SLC17A3: variants seen among roughly 807,000 people sequenced by gnomAD.
The protein encoded by SLC17A3 is sodium-dependent phosphate transport protein 4.
Under a neutral mutation model 60.3 loss-of-function variants are expected in SLC17A3, and 61 were observed. The observed-to-expected ratio is 1.01, with a 90% CI of 0.82 to 1.25. The LOEUF (loss-of-function observed/expected upper bound fraction) is 1.25, where lower values mean the gene tolerates loss of function less well. SLC17A3 is among the 50% of genes most tolerant of loss of function. The pLI, the probability that SLC17A3 is intolerant of heterozygous loss-of-function variation, is 0.00. For missense variants in SLC17A3, 624 were observed against 594.9 expected, an observed-to-expected ratio of 1.05 and a Z score of -0.51; for synonymous variants, 192 against 208.9, an observed-to-expected ratio of 0.92 and a Z score of 0.70.
intron 2 of SLC17A3, 81 bp from the exon 3 acceptor site, chr6:25,862,525 A>G (rs2151525104): frequency 2.7e-6 from 3 of 1,103,368 alleles, no homozygotes; most frequent in East Asian, 2.4e-5. Context: ...TTTAAAAAGT[A>G]CCTGATCACT....
intron 2 of SLC17A3, among the ~76,000 whole-genome samples, chr6:25,865,847 A>G (rs78273613): frequency 0.058 from 8,825 of 152,062 alleles, 380 homozygotes; most frequent in Non-Finnish European, 0.095. Flanking sequence ...GTCTGTATGC[A>G]TGTGAGAAAT....
intron 5 of SLC17A3, among the ~76,000 whole-genome samples, chr6:25,858,540 G>T (rs1417790245): frequency 6.6e-6 from 1 of 152,052 alleles, no homozygotes; most frequent in Non-Finnish European, 1.5e-5. Context: ...ACATTTGCTG[G>T]CCTGTCATTC....
intron 1 of SLC17A3, among the ~76,000 whole-genome samples, chr6:25,869,048 G>A (rs959945677): frequency 6.6e-6 from 1 of 151,960 alleles, no homozygotes; most frequent in African/African-American, 2.4e-5. Context: ...GACCAAAGTT[G>A]CATAGTGAGA....
At chr6:25,851,801 A>G (rs1765282318) in intron 6 of SLC17A3, among the ~76,000 whole-genome samples, 1 of 152,158 alleles carries the variant, frequency 6.6e-6, no homozygotes, top group African/African-American at 2.4e-5. Flanking sequence ...CTATAACTTT[A>G]TAATATGTCT....
At chr6:25,850,427 C>T (rs1765253941) in intron 8 of SLC17A3, 32 bp downstream of exon 8, 5 of 1,607,602 alleles carry the variant, frequency 3.1e-6, no homozygotes, top group Non-Finnish European at 2.6e-6. Flanking sequence ...GCCATGCAAG[C>T]AGGAGAAAGG....
intron 5 of SLC17A3, among the ~76,000 whole-genome samples, chr6:25,857,620 G>A (rs1018411642): frequency 2.0e-5 from 3 of 151,420 alleles, no homozygotes; most frequent in Non-Finnish European, 4.4e-5. Flanking sequence ...AGCCCTAGTA[G>A]TCAGATTTAT....
chr6:25,858,365 G>T (rs954769459), intron 5 of SLC17A3, among the ~76,000 whole-genome samples: 1 of 152,038 alleles, frequency 6.6e-6, no homozygotes, highest in African/African-American at 2.4e-5. Context: ...ACACTGACAC[G>T]GTTCTTGTTA....
In SLC17A3 at chr6:25,845,411, C is replaced by A; in HGVS notation, c.1468G>T (p.Ala490Ser). The change falls in exon 12 of 13, where the codon GCT (alanine) becomes TCT (serine). Residue 490 changes from alanine to serine, a missense_variant. Ala to Ser is a moderately conservative substitution (Grantham distance 99). Coordinates refer to ENST00000397060, the MANE Select transcript of SLC17A3 (RefSeq NM_001098486.2). Reference sequence around the variant, plus strand: ...AAACGAGTGAGTTTTCTCTCTTTAGCCCATTCTTGGACATCTGCTTCTCCA... The same window carrying A: ...AAACGAGTGAGTTTTCTCTCTTTAGACCATTCTTGGACATCTGCTTCTCCA... ...IFGEADVQEWAKERKLTRL is the reference protein window; with the variant it reads ...IFGEADVQEWSKERKLTRL 2 of 1,613,952 alleles carry A rather than the reference C, an allele frequency of 1.2e-6. No individual in the cohort carries two copies. Among genetic ancestry groups the A allele is most frequent in the South Asian group, 1.1e-5 (1 of 91,076 alleles).
At chr6:25,863,784 G>T (rs1162670190) in intron 2 of SLC17A3, among the ~76,000 whole-genome samples, 6 of 151,980 alleles carry the variant, frequency 3.9e-5, no homozygotes, top group African/African-American at 1.4e-4. Flanking sequence ...ATAGCAGGGA[G>T]CTGGATTGAC....
intron 1 of SLC17A3, among the ~76,000 whole-genome samples, chr6:25,868,696 A>G (rs938442212): frequency 5.3e-5 from 8 of 151,872 alleles, no homozygotes. Context: ...CAGGTTCATG[A>G]TTTACTGTGC....
intron 2 of SLC17A3, among the ~76,000 whole-genome samples, chr6:25,863,810 C>T (rs6923897): frequency 0.036 from 5,431 of 152,044 alleles, 277 homozygotes; most frequent in African/African-American, 0.12. Context: ...TTCTAGGCCA[C>T]GTCCTCCAGT....
intron 7 of SLC17A3, 22 bp downstream of exon 7, chr6:25,850,737 G>T: frequency 1.2e-6 from 2 of 1,606,828 alleles, no homozygotes; most frequent in East Asian, 2.2e-5. Context: ...TCTCAGAAAA[G>T]TGTTGGTGTC....
At chr6:25,849,746 G>A (rs765426195) in intron 10 of SLC17A3, 59 bp downstream of exon 10, 4 of 1,577,054 alleles carry the variant, frequency 2.5e-6, no homozygotes, top group Non-Finnish European at 3.5e-6. Context: ...ATCCCAGAAA[G>A]CTGAAAGCTA....
At chr6:25,847,494 T>C (rs767538052) in intron 11 of SLC17A3, among the ~76,000 whole-genome samples, 8 of 152,164 alleles carry the variant, frequency 5.3e-5, no homozygotes, top group Non-Finnish European at 7.3e-5. Flanking sequence ...CCACACTGCT[T>C]TCCACAACGG....
intron 2 of SLC17A3, among the ~76,000 whole-genome samples, chr6:25,862,758 A>ATG (rs1293768366): frequency 2.0e-5 from 3 of 151,628 alleles, no homozygotes; most frequent in Middle Eastern, 3.4e-3. Context: ...GCATATACAT[A>ATG]TGTGTGTGTG....
chr6:25,863,346 A>G (rs1033645006), intron 2 of SLC17A3, among the ~76,000 whole-genome samples: 1 of 152,122 alleles, frequency 6.6e-6, no homozygotes, highest in African/African-American at 2.4e-5. Flanking sequence ...AAGTGAGTAG[A>G]AGGTATCCTG....
chr6:25,850,699 A>C, intron 7 of SLC17A3, 60 bp downstream of exon 7: 1 of 1,605,250 alleles, frequency 6.2e-7, no homozygotes, highest in Non-Finnish European at 8.5e-7. Context: ...ATCCAGATTT[A>C]AGGCCTCAAG....
At chr6:25,851,125 G>A (rs911617505) in intron 6 of SLC17A3, among the ~76,000 whole-genome samples, 15 of 152,072 alleles carry the variant, frequency 9.9e-5, no homozygotes, top group Non-Finnish European at 4.4e-5. Flanking sequence ...TCTGATAGGT[G>A]TGTGGAGATA....
At chr6:25,867,849 T>C (rs141067040) in intron 2 of SLC17A3, among the ~76,000 whole-genome samples, 64 of 152,050 alleles carry the variant, frequency 4.2e-4, no homozygotes, top group African/African-American at 1.5e-3. Context: ...ACATAAACTA[T>C]AGAACTATTC....
Sources: allele counts gnomAD v4.1 joint callset (sites outside exome capture counted in the v4.1 genomes callset), GRCh38; gene constraint gnomAD v4.1.1; transcripts MANE v1.5; gene names NCBI Gene and HGNC (gene_info 2026-07-23, HGNC 2026-07-21).